STAT1: variants seen among roughly 807,000 people sequenced by gnomAD.
The protein encoded by STAT1 is signal transducer and activator of transcription 1-alpha/beta.
STAT1 carries 24 observed loss-of-function variants against 111.7 expected under a neutral mutation model. The ratio of observed to expected loss-of-function variants is 0.21; its 90% CI spans 0.16 to 0.30. STAT1 has a LOEUF of 0.30. Ranked by LOEUF, STAT1 falls within the 10% of genes least tolerant of loss-of-function variation. STAT1 has a pLI of 1.00. For synonymous variants in STAT1, 332 were observed against 326.5 expected (o/e 1.02, Z -0.18); for missense variants, 351 against 911.9 (o/e 0.38, Z 7.92).
In STAT1 at chr2:190,971,992, C is replaced by T. The variant is rs985627386; in HGVS notation, c.2239-1275G>A. Among the ~76,000 whole-genome samples, 6 of 152,040 alleles carry T rather than the reference C, an allele frequency of 3.9e-5. No homozygotes were observed. The highest frequency in any genetic ancestry group is 1.4e-4 in the African/African-American group (6 of 41,380). ...CCTCCCAAAATGTTGAGATTACAGG[C>T]GTGAGCCACCGCGCCCGGCCTGGCT... On this transcript the variant is annotated intron_variant, in intron 24 of 24. Transcript: ENST00000361099. The surrounding 1 kb of genome is among the most constrained non-coding windows in gnomAD (Gnocchi z 4.1).
Position 190,990,195 on chromosome 2 carries a change from G to C in STAT1, c.1038-521C>G, listed in dbSNP as rs1008173711. On this transcript the variant is annotated intron_variant, in intron 11 of 24. Coordinates refer to ENST00000361099, the MANE Select transcript of STAT1 (RefSeq NM_007315.4). This position sits in a 1 kb window ranked among gnomAD's most constrained non-coding sequence, Gnocchi z 5.1. ...AGAGGGTGTACCTCTGCTCCACTGA[G>C]CTGGAGACTTTGAGAAGGAGACCCC... 3.3e-5 allele frequency among the ~76,000 whole-genome samples: 5 copies of C among 152,190 alleles called. 1 individual carries two copies. The highest frequency in any genetic ancestry group is 3.3e-4 in the Admixed American group (5 of 15,284).
In STAT1 at chr2:190,990,527, G is replaced by A. The variant is rs1299229107; in HGVS notation, c.1037+701C>T. Among the ~76,000 whole-genome samples, 1 of 152,114 alleles carries A rather than the reference G, an allele frequency of 6.6e-6. No homozygotes were observed. Among genetic ancestry groups the A allele is most frequent in the Non-Finnish European group, 1.5e-5 (1 of 68,014 alleles). On this transcript the variant is annotated intron_variant, in intron 11 of 24. Transcript: ENST00000361099. The surrounding 1 kb of genome is among the most constrained non-coding windows in gnomAD (Gnocchi z 5.1). ...TGGAAACACTTCTACAATTAGTATC[G>A]AGGAGAAAGACTACAAAACAATGTA...
chr2:191,010,958 A>G (rs913611243), intron 2 of STAT1, among the ~76,000 whole-genome samples: 1 of 152,240 alleles, frequency 6.6e-6, no homozygotes, highest in East Asian at 1.9e-4. Flanking sequence ...CTTAGGATTT[A>G]TATCAGCACA....
intron 5 of STAT1, among the ~76,000 whole-genome samples, chr2:191,005,559 G>A (rs1291097264): frequency 6.6e-6 from 1 of 152,176 alleles, no homozygotes; most frequent in Middle Eastern, 3.2e-3. Flanking sequence ...TTGTAGCCTA[G>A]GAGCAATAGG....
rs1691653462 is a variant in STAT1, at chr2:190,973,402, A to G, written c.2238+1428T>C. ...CACATCTGTCAAAGTAGGAATAACA[A>G]TAACACCTAACTCAGAAGGTGGCTG... On this transcript the variant is annotated intron_variant, in intron 24 of 24. Coordinates refer to ENST00000361099, the MANE Select transcript of STAT1 (RefSeq NM_007315.4). The surrounding 1 kb of genome is among the most constrained non-coding windows in gnomAD (Gnocchi z 4.4). 6.6e-6 allele frequency among the ~76,000 whole-genome samples: 1 copy of G among 152,200 alleles called. No homozygotes were observed. Among genetic ancestry groups the G allele is most frequent in the Non-Finnish European group, 1.5e-5 (1 of 68,030 alleles).
In STAT1 at chr2:190,979,661, T is replaced by C; in HGVS notation, c.1727+111A>G. 1.2e-6 allele frequency: 1 copy of C among 809,388 alleles called. No individual in the cohort carries two copies. The highest frequency in any genetic ancestry group is 2.1e-6 in the Non-Finnish European group (1 of 474,892). The allele number at this position is 809,388 out of a possible 1,614,324, so 50.1% of individuals were successfully genotyped here. The stretch of plus-strand genomic sequence containing the variant: ...GAAGGGGCAGCCTATAAATGCGCAC[T>C]CCTGTGAGATTCACACACGCCTAGT... On this transcript the variant is annotated intron_variant, in intron 20 of 24. Coordinates refer to ENST00000361099, the MANE Select transcript of STAT1 (RefSeq NM_007315.4). This position sits in a 1 kb window ranked among gnomAD's most constrained non-coding sequence, Gnocchi z 5.8.
At position 190,976,052 on chromosome 2, in the gene STAT1, T is replaced by C. The variant is rs138528271; in HGVS notation, c.2060-165A>G. Among the ~76,000 whole-genome samples the C allele has an allele frequency of 6.6e-6, 1 of 152,158 alleles. No individual in the cohort carries two copies. Among genetic ancestry groups the C allele is most frequent in the African/African-American group, 2.4e-5 (1 of 41,430 alleles). On this transcript the variant is annotated intron_variant, in intron 22 of 24. Transcript: ENST00000361099. This position sits in a 1 kb window ranked among gnomAD's most constrained non-coding sequence, Gnocchi z 6.0. Reference sequence around the variant, plus strand: ...CTGCCTGAGTCACCTAAAATTCTAGTGGGAATGCAGAAACAACGAGAAGAA... The same window carrying C: ...CTGCCTGAGTCACCTAAAATTCTAGCGGGAATGCAGAAACAACGAGAAGAA...
chr2:190,989,756 T>G lies in STAT1; in HGVS notation c.1038-82A>C. 23 of 929,844 alleles carry G rather than the reference T, an allele frequency of 2.5e-5. No homozygotes were observed. The highest frequency in any genetic ancestry group is 3.5e-5 in the Non-Finnish European group (21 of 594,214). 57.6% of individuals were successfully genotyped at this position (929,844 alleles called of 1,614,324 possible). A position where few individuals can be genotyped will look rare whatever the true frequency, so the allele number is the denominator to read the frequency against. ...ATTATGCCAATTCCCTATTAACGTTTAGATAAACTACTCCCCCTCCAGTTT... is the reference window on the plus strand; with the variant it reads ...ATTATGCCAATTCCCTATTAACGTTGAGATAAACTACTCCCCCTCCAGTTT... On this transcript the variant is annotated intron_variant, in intron 11 of 24. Coordinates refer to ENST00000361099, the MANE Select transcript of STAT1 (RefSeq NM_007315.4). The surrounding 1 kb of genome is among the most constrained non-coding windows in gnomAD (Gnocchi z 5.0).
At position 190,982,689 on chromosome 2, in the gene STAT1, T is replaced by G. The variant is rs1028655457; in HGVS notation, c.1447-171A>C. Among the ~76,000 whole-genome samples the G allele has an allele frequency of 6.6e-6, 1 of 152,216 alleles. No homozygotes were observed. The highest frequency in any genetic ancestry group is 2.4e-5 in the African/African-American group (1 of 41,450). On this transcript the variant is annotated intron_variant, in intron 17 of 24. Coordinates refer to ENST00000361099, the MANE Select transcript of STAT1 (RefSeq NM_007315.4). The surrounding 1 kb of genome is among the most constrained non-coding windows in gnomAD (Gnocchi z 7.3). ...AATTTTCATTATTTACAGATGCACA[T>G]TTGTGAACTTGTTTACTCACTAAAA... is the stretch of plus-strand genomic sequence containing the variant.
chr2:191,002,330 C>G (rs1184456656), intron 5 of STAT1, among the ~76,000 whole-genome samples: 1 of 152,186 alleles, frequency 6.6e-6, no homozygotes, highest in African/African-American at 2.4e-5. Context: ...TTTCCATATG[C>G]ACACGGGTTT....
chr2:190,990,659 GA>G lies in STAT1; in HGVS notation c.1037+568del, dbSNP rs1182198344. Among the ~76,000 whole-genome samples, 1 of 152,054 alleles carries G rather than the reference GA, an allele frequency of 6.6e-6. No homozygotes were observed. The highest frequency in any genetic ancestry group is 1.5e-5 in the Non-Finnish European group (1 of 68,000). On this transcript the variant is annotated intron_variant, in intron 11 of 24. Coordinates refer to ENST00000361099, the MANE Select transcript of STAT1 (RefSeq NM_007315.4). The surrounding 1 kb of genome is among the most constrained non-coding windows in gnomAD (Gnocchi z 5.1). ...CATGGAATCCTAATTTTTTAAAAAGGAAACATTATGTCATGTTTGTGCGTGT... is the reference window on the plus strand; with the variant it reads ...CATGGAATCCTAATTTTTTAAAAAGGAACATTATGTCATGTTTGTGCGTGT...
chr2:191,008,599 T>G (rs1694883149), intron 4 of STAT1, among the ~76,000 whole-genome samples: 1 of 152,216 alleles, frequency 6.6e-6, no homozygotes, highest in Admixed American at 6.5e-5. Flanking sequence ...ACCACTAATG[T>G]TCCCTGGAGC....
intron 3 of STAT1, 78 bp from the exon 4 acceptor site, chr2:191,009,185 CTTAT>C (rs1694938167): frequency 3.7e-5 from 55 of 1,495,358 alleles, no homozygotes; most frequent in Non-Finnish European, 4.9e-5. Flanking sequence ...TGTTGGTTTC[CTTAT>C]TGAAATTATT....
chr2:190,998,148 T>C lies in STAT1; in HGVS notation c.633+69A>G. 1 of 1,570,836 alleles carries C rather than the reference T, an allele frequency of 6.4e-7. No individual in the cohort carries two copies. ...GGTGGCTATAATTTTTCCTCTCTTC[T>C]AAACTTTGAGTCCATTATTTACAGT... On this transcript the variant is annotated intron_variant, in intron 8 of 24. Coordinates refer to ENST00000361099, the MANE Select transcript of STAT1 (RefSeq NM_007315.4). The surrounding 1 kb of genome is among the most constrained non-coding windows in gnomAD (Gnocchi z 4.1).
rs748528165 is a variant in STAT1 at position 190,995,223 on chromosome 2, G to C, written c.786-4C>G. On this transcript the variant is annotated splice_region_variant and splice_polypyrimidine_tract_variant and intron_variant, in intron 9 of 24. Transcript: ENST00000361099. This position sits in a 1 kb window ranked among gnomAD's most constrained non-coding sequence, Gnocchi z 4.2. ...ACTCTCCGCAACTATAGTGAACCTG[G>C]GAAGACACAAGACACAGATGTCTCT... The C allele has an allele frequency of 6.2e-7, 1 of 1,613,794 alleles. No individual in the cohort carries two copies. The highest frequency in any genetic ancestry group is 2.2e-5 in the East Asian group (1 of 44,876).
rs184391586 is a variant in STAT1, at chr2:190,971,851, T to G, written c.2239-1134A>C. Among the ~76,000 whole-genome samples, 1,195 of 152,232 alleles carry G rather than the reference T, an allele frequency of 7.8e-3. 17 individuals carry two copies. The highest frequency in any genetic ancestry group is 0.027 in the African/African-American group (1,112 of 41,528). ...CCTCAGCCCCCCTAGTAGCTGGGAT[T>G]ACAGGCACACACCACCATGGCTGGC... On this transcript the variant is annotated intron_variant, in intron 24 of 24. Coordinates refer to ENST00000361099, the MANE Select transcript of STAT1 (RefSeq NM_007315.4). This position sits in a 1 kb window ranked among gnomAD's most constrained non-coding sequence, Gnocchi z 4.1.
rs1293854969 is a variant in STAT1, at chr2:191,012,534, C to T, written c.-2+991G>A. 1.3e-5 allele frequency among the ~76,000 whole-genome samples: 2 copies of T among 152,122 alleles called. No homozygotes were observed. Among genetic ancestry groups the T allele is most frequent in the African/African-American group, 4.8e-5 (2 of 41,410 alleles). ...GCATGGCCATCTCCCAGTCACTGAGCTCAAATCTCAGATTTAGGGTTGATT... is the reference window on the plus strand; with the variant it reads ...GCATGGCCATCTCCCAGTCACTGAGTTCAAATCTCAGATTTAGGGTTGATT... On this transcript the variant is annotated intron_variant, in intron 2 of 24. Coordinates refer to ENST00000361099, the MANE Select transcript of STAT1 (RefSeq NM_007315.4). The surrounding 1 kb of genome is among the most constrained non-coding windows in gnomAD (Gnocchi z 4.0).
Position 190,976,937 on chromosome 2 carries a change from C to T in STAT1, c.1962G>A (p.Met654Ile), listed in dbSNP as rs1691950818. The T allele has an allele frequency of 6.2e-7, 1 of 1,614,028 alleles. No homozygotes were observed. Among genetic ancestry groups the T allele is most frequent in the African/African-American group, 1.3e-5 (1 of 74,924 alleles). The change falls in exon 22 of 25, where the codon ATG (methionine) becomes ATA (isoleucine). Residue 654 changes from methionine to isoleucine, a missense_variant. Physicochemically the swap from Met to Ile is conservative, Grantham distance 10. Transcript: ENST00000361099. The surrounding 1 kb of genome is among the most constrained non-coding windows in gnomAD (Gnocchi z 6.0). ...FPDIIRNYKV[M>I]AAENIPENPL... Reference sequence around the variant, plus strand: ...GATTCTCAGGAATATTCTCAGCAGCCATGACTTTGTAATTGCGAATGATGT... The same window carrying T: ...GATTCTCAGGAATATTCTCAGCAGCTATGACTTTGTAATTGCGAATGATGT...
intron 2 of STAT1, among the ~76,000 whole-genome samples, chr2:191,010,794 T>G (rs922125003): frequency 6.6e-6 from 1 of 152,260 alleles, no homozygotes; most frequent in African/African-American, 2.4e-5. Flanking sequence ...TAAATGTAAT[T>G]TAAAAGGATA....
Sources: gnomAD v4.1 joint callset for allele counts (sites outside exome capture counted in the v4.1 genomes callset) on GRCh38, gnomAD v4.1.1 for gene constraint, Gnocchi (gnomAD v3.1) non-coding constraint, MANE v1.5 for transcripts, NCBI Gene and HGNC (gene_info 2026-07-23, HGNC 2026-07-21) for gene names.